The following SSH1 variants were observed in gnomAD, a reference collection of about 807,000 sequenced individuals.
SSH1 encodes the protein slingshot protein phosphatase 1, also known as protein phosphatase Slingshot homolog 1.
A neutral mutation model predicts 79.7 loss-of-function variants in SSH1; 43 were observed. The observed-to-expected ratio is 0.54, with a 90% CI of 0.42 to 0.70. The LOEUF (loss-of-function observed/expected upper bound fraction) is 0.70, where lower values mean the gene tolerates loss of function less well. Ranked by LOEUF, SSH1 falls within the 30% of genes least tolerant of loss-of-function variation. The pLI, the probability that SSH1 is intolerant of heterozygous loss-of-function variation, is 0.00. For synonymous variants in SSH1, 599 were observed against 538.3 expected, an observed-to-expected ratio of 1.11 and a Z score of -1.56; for missense variants, 1,206 against 1,358.8, an observed-to-expected ratio of 0.89 and a Z score of 1.77.
chr12:108,778,749 C>A lies in SSH1; in HGVS notation c.*9239G>T. 1 of 153,644 alleles carries A rather than the reference C, an allele frequency of 6.5e-6. No individual in the cohort carries two copies. Among genetic ancestry groups the A allele is most frequent in the South Asian group, 2.1e-4 (1 of 4,876 alleles). 9.5% of individuals were successfully genotyped at this position (153,644 alleles called of 1,614,324 possible). Reference sequence around the variant, plus strand: ...GAGCAAGAGGGAGGTCTACCACCACCACCACCACCACCACCACAATGTACC... The same window carrying A: ...GAGCAAGAGGGAGGTCTACCACCACAACCACCACCACCACCACAATGTACC... On this transcript the variant is annotated 3_prime_UTR_variant, in exon 15 of 15. Transcript: ENST00000326495.
intron 10 of SSH1, among the ~76,000 whole-genome samples, chr12:108,804,784 A>G (rs754519801): frequency 2.0e-5 from 3 of 152,212 alleles, no homozygotes; most frequent in Non-Finnish European, 4.4e-5. Flanking sequence ...AAGAGTCTGA[A>G]ACACATGCCA....
In SSH1 at chr12:108,789,172, T is replaced by C. The variant is rs927214811; in HGVS notation, c.1966A>G (p.Thr656Ala). The change falls in exon 15 of 15, where the codon ACA (threonine) becomes GCA (alanine). Residue 656 changes from threonine (T) to alanine (A), a missense_variant. Transcript: ENST00000326495. ...YKSCADCMYP[T>A]ASGAPEASRE... is the part of the protein sequence containing the mutation. Reference sequence around the variant, plus strand: ...GAGGCCTCAGGAGCCCCGCTGGCTGTAGGGTACATGCAGTCGGCACAGGAT... The same window carrying C: ...GAGGCCTCAGGAGCCCCGCTGGCTGCAGGGTACATGCAGTCGGCACAGGAT... 2.5e-6 allele frequency: 4 copies of C among 1,611,740 alleles called. No homozygotes were observed. The African/African-American group carries it at 4.0e-5, about 16-fold the overall frequency.
intron 3 of SSH1, among the ~76,000 whole-genome samples, chr12:108,819,000 C>T (rs1565999168): frequency 6.6e-6 from 1 of 152,114 alleles, no homozygotes; most frequent in Non-Finnish European, 1.5e-5. Context: ...GTGATCTGCA[C>T]GCCTCAGCCT....
intron 2 of SSH1, among the ~76,000 whole-genome samples, chr12:108,824,709 A>T (rs2038248525): frequency 1.3e-5 from 2 of 152,170 alleles, no homozygotes; most frequent in African/African-American, 4.8e-5. Flanking sequence ...ATTTGAGCCC[A>T]GGAGTTCGAG....
At chr12:108,792,856 T>C in intron 13 of SSH1, 27 bp from the exon 14 acceptor site, 3 of 1,611,526 alleles carry the variant, frequency 1.9e-6, no homozygotes, top group Non-Finnish European at 2.5e-6. Flanking sequence ...TAGAGGAAGG[T>C]GAGGGGAGGA....
intron 5 of SSH1, among the ~76,000 whole-genome samples, chr12:108,815,228 T>C (rs2037829787): frequency 6.6e-6 from 1 of 152,180 alleles, no homozygotes; most frequent in Admixed American, 6.5e-5. Flanking sequence ...CCTGGGGTAA[T>C]CACTGCAGCC....
chr12:108,787,912 C>A lies in SSH1; in HGVS notation c.*76G>T. ...TAAGGGAAATCAAGATGTAAGGGGT[C>A]GATCCAAATCCACAGTGAAAGTGAG... On this transcript the variant is annotated 3_prime_UTR_variant, in exon 15 of 15. Coordinates refer to ENST00000326495, the MANE Select transcript of SSH1 (RefSeq NM_018984.4). The A allele has an allele frequency of 2.6e-6, 4 of 1,568,304 alleles. No homozygotes were observed. The highest frequency in any genetic ancestry group is 3.5e-6 in the Non-Finnish European group (4 of 1,141,792).
intron 14 of SSH1, 113 bp downstream of exon 14, chr12:108,792,173 A>T (rs779306324): frequency 6.4e-7 from 1 of 1,560,108 alleles, no homozygotes; most frequent in East Asian, 2.3e-5. Flanking sequence ...GAAAAAAATC[A>T]GCTGGGTGTG....
chr12:108,816,439 T>C (rs1273856467), intron 5 of SSH1, among the ~76,000 whole-genome samples: 2 of 152,250 alleles, frequency 1.3e-5, no homozygotes, highest in African/African-American at 4.8e-5. Context: ...ATTTATCTTG[T>C]GATGTCAGGG....
At chr12:108,853,306 C>A (rs1052920751) in intron 1 of SSH1, 4 of 984,994 alleles carry the variant, frequency 4.1e-6, no homozygotes, top group Non-Finnish European at 4.8e-6. Flanking sequence ...TAAAAGGCCA[C>A]GAGTTTGGGC....
chr12:108,792,524 C>A lies in SSH1; in HGVS notation c.1655G>T (p.Arg552Met). The A allele has an allele frequency of 6.2e-7, 1 of 1,614,166 alleles. No homozygotes were observed. The highest frequency in any genetic ancestry group is 8.5e-7 in the Non-Finnish European group (1 of 1,180,030). ...ACCTTGCTGGGGCTGTCTGGCCGGC[C>A]TGTGCACCTCTGCAGGTGGAGCAGC... Reference protein sequence around the residue: ...EEAAPPAEVHRPARQPQQGSG... With the variant: ...EEAAPPAEVHMPARQPQQGSG... Residue 552 changes from arginine to methionine, a missense_variant, in exon 14 of 15, where the codon AGG (arginine) becomes ATG (methionine). By Grantham distance (91) the Arg-to-Met change is moderately conservative. Transcript: ENST00000326495.
At chr12:108,818,846 T>G (rs2038004025) in intron 3 of SSH1, among the ~76,000 whole-genome samples, 1 of 152,190 alleles carries the variant, frequency 6.6e-6, no homozygotes, top group Non-Finnish European at 1.5e-5. Context: ...CTCCGCCTCC[T>G]GGATTCAACA....
chr12:108,823,666 T>C lies in SSH1; in HGVS notation c.111-305A>G, dbSNP rs544611831. Among the ~76,000 whole-genome samples, 35 of 152,240 alleles carry C rather than the reference T, an allele frequency of 2.3e-4. 2 individuals carry two copies. The South Asian group carries it at 7.3e-3, about 32-fold the overall frequency. On this transcript the variant is annotated intron_variant, in intron 2 of 14. Coordinates refer to ENST00000326495, the MANE Select transcript of SSH1 (RefSeq NM_018984.4). ...AGGGATCTCACTGTCATATAACATT[T>C]TCTTCTTTCTTTTTTTTTTGAGACG...
intron 2 of SSH1, among the ~76,000 whole-genome samples, chr12:108,824,464 A>AAAAG (rs527807719): frequency 0.039 from 5,948 of 151,192 alleles, 151 homozygotes; most frequent in South Asian, 0.12. Context: ...CAAAAAAAAA[A>AAAAG]AAAGAAAGAA....
chr12:108,824,784 T>C (rs960882818), intron 2 of SSH1, among the ~76,000 whole-genome samples: 3 of 152,204 alleles, frequency 2.0e-5, no homozygotes, highest in South Asian at 4.1e-4. Flanking sequence ...AATTTCACTT[T>C]CATGACTTGG....
intron 2 of SSH1, among the ~76,000 whole-genome samples, chr12:108,839,847 T>C (rs947173659): frequency 2.6e-5 from 4 of 152,138 alleles, no homozygotes; most frequent in Middle Eastern, 3.4e-3. Flanking sequence ...GGGGAACAAG[T>C]GCGGCAGGAA....
intron 2 of SSH1, 91 bp from the exon 3 acceptor site, chr12:108,823,452 G>C: frequency 9.8e-7 from 1 of 1,023,434 alleles, no homozygotes; most frequent in Non-Finnish European, 1.5e-6. Flanking sequence ...CTTTAGCGTG[G>C]ACAAATGGCA....
intron 2 of SSH1, chr12:108,836,863 T>A (rs2038643704): frequency 1.9e-6 from 1 of 520,806 alleles, no homozygotes; most frequent in Non-Finnish European, 4.0e-6. Flanking sequence ...ACGTGCCCGG[T>A]GGAATCACAC....
At chr12:108,789,275 A>T in intron 14 of SSH1, 31 bp from the exon 15 acceptor site, 1 of 1,572,412 alleles carries the variant, frequency 6.4e-7, no homozygotes, top group East Asian at 2.3e-5. Flanking sequence ...GCATGGTGAG[A>T]CGGTGCAGTC....
Sources: gnomAD v4.1 joint callset for allele counts (sites outside exome capture counted in the v4.1 genomes callset) on GRCh38, gnomAD v4.1.1 for gene constraint, MANE v1.5 for transcripts, NCBI Gene and HGNC (gene_info 2026-07-23, HGNC 2026-07-21) for gene names.